The following LAMTOR5 variants were observed in gnomAD, a reference collection of about 807,000 sequenced individuals.
LAMTOR5 encodes the protein late endosomal/lysosomal adaptor, MAPK and MTOR activator 5.
Under a neutral mutation model 12.1 loss-of-function variants are expected in LAMTOR5, and 8 were observed. The ratio of observed to expected loss-of-function variants is 0.66; its 90% CI spans 0.39 to 1.19. The LOEUF (loss-of-function observed/expected upper bound fraction) is 1.19. Among genes scored for constraint, LAMTOR5 ranks in the 50% most tolerant of loss-of-function variants. The probability of loss-of-function intolerance (pLI) is 0.01; values close to 1 mark genes in which losing one functional copy is unlikely to be tolerated. For synonymous variants in LAMTOR5, 37 were observed against 41.9 expected (o/e 0.88, Z 0.45); for missense variants, 110 against 112.8 (o/e 0.97, Z 0.11).
At position 110,401,594 on chromosome 1, in the gene LAMTOR5, G is replaced by C; in HGVS notation, c.216-11C>G. ...TGGATCATAATGTTCCTGAAATGCAGGAAGAAAATATTCAGTAAAACGTAA... is the reference window on the plus strand; with the variant it reads ...TGGATCATAATGTTCCTGAAATGCACGAAGAAAATATTCAGTAAAACGTAA... On this transcript the variant is annotated splice_polypyrimidine_tract_variant and intron_variant, in intron 3 of 3. Coordinates refer to ENST00000602318, the MANE Select transcript of LAMTOR5 (RefSeq NM_001382293.1). 6.3e-7 allele frequency: 1 copy of C among 1,599,536 alleles called. No homozygotes were observed. The highest frequency in any genetic ancestry group is 1.1e-5 in the South Asian group (1 of 90,108).
intron 1 of LAMTOR5, chr1:110,406,853 GTTAA>G: frequency 2.3e-6 from 1 of 434,654 alleles, no homozygotes; most frequent in Non-Finnish European, 4.1e-6. Context: ...TTAAGTTCTA[GTTAA>G]TTAATTGAAA....
rs1022040338 is a variant in LAMTOR5, at chr1:110,401,637, C to T, written c.216-54G>A. The T allele has an allele frequency of 1.0e-5, 16 of 1,533,248 alleles. No homozygotes were observed. In the Admixed American group the frequency reaches 1.4e-4, roughly 13 times the overall value. 95.0% of individuals were successfully genotyped at this position (1,533,248 alleles called of 1,614,324 possible). On this transcript the variant is annotated intron_variant, in intron 3 of 3. Transcript: ENST00000602318. ...AAACGTAATCAGTGGGACTTCACTGCAAGATTAAAGATGTTGTTTGCTTTA... is the reference window on the plus strand; with the variant it reads ...AAACGTAATCAGTGGGACTTCACTGTAAGATTAAAGATGTTGTTTGCTTTA...
intron 2 of LAMTOR5, among the ~76,000 whole-genome samples, chr1:110,405,841 G>T (rs1242281562): frequency 6.6e-6 from 1 of 152,170 alleles, no homozygotes; most frequent in African/African-American, 2.4e-5. Flanking sequence ...AAGAGCAAGG[G>T]ATTGAGACCA....
intron 2 of LAMTOR5, 38 bp from the exon 3 acceptor site, chr1:110,404,074 A>T: frequency 6.2e-7 from 1 of 1,604,750 alleles, no homozygotes; most frequent in Non-Finnish European, 8.5e-7. Context: ...CTGATTGCTC[A>T]TAGAGTATTT....
intron 3 of LAMTOR5, 90 bp from the exon 4 acceptor site, chr1:110,401,673 T>A: frequency 7.4e-7 from 1 of 1,342,362 alleles, no homozygotes; most frequent in South Asian, 1.4e-5. Flanking sequence ...GGATACAATA[T>A]TTAAAATAAT....
At chr1:110,401,645 A>T in intron 3 of LAMTOR5, 62 bp from the exon 4 acceptor site, 2 of 1,529,126 alleles carry the variant, frequency 1.3e-6, no homozygotes, top group Non-Finnish European at 9.0e-7. Context: ...TGCAAGATTA[A>T]AGATGTTGTT....
intron 2 of LAMTOR5, 42 bp from the exon 3 acceptor site, chr1:110,404,078 A>C: frequency 1.9e-6 from 3 of 1,599,718 alleles, no homozygotes; most frequent in Non-Finnish European, 2.6e-6. Context: ...TTGCTCATAG[A>C]GTATTTCTGC....
At chr1:110,404,296 A>T (rs1663286491) in intron 2 of LAMTOR5, among the ~76,000 whole-genome samples, 1 of 152,238 alleles carries the variant, frequency 6.6e-6, no homozygotes, top group Non-Finnish European at 1.5e-5. Context: ...AAACCAAATC[A>T]GGTAATAGAC....
intron 1 of LAMTOR5, chr1:110,406,901 G>A (rs1231962684): frequency 4.5e-6 from 2 of 449,136 alleles, no homozygotes; most frequent in Admixed American, 4.1e-5. Context: ...AGAAAAAAAT[G>A]TGCTAAGTAC....
chr1:110,403,360 G>A (rs979019633), intron 3 of LAMTOR5, among the ~76,000 whole-genome samples: 2 of 152,078 alleles, frequency 1.3e-5, no homozygotes, highest in African/African-American at 4.8e-5. Context: ...TGTAATCCCA[G>A]CACTTTGGGA....
chr1:110,407,797 C>A (rs765224866), upstream of LAMTOR5: 7 of 1,614,024 alleles, frequency 4.3e-6, no homozygotes, highest in African/African-American at 6.7e-5. Flanking sequence ...GCGCTTCCGT[C>A]GCACAGAGCC....
At chr1:110,407,510 C>T (rs745307795) in intron 1 of LAMTOR5, 76 bp downstream of exon 1, 23 of 1,534,820 alleles carry the variant, frequency 1.5e-5, no homozygotes, top group Non-Finnish European at 1.9e-5. Context: ...CCGGTACTCG[C>T]AGCTCGCGCC....
Position 110,401,550 on chromosome 1 carries a change from C to T in LAMTOR5, c.249G>A (p.Thr83=), listed in dbSNP as rs373265343. The T allele has an allele frequency of 5.6e-6, 9 of 1,607,906 alleles. No individual in the cohort carries two copies. The highest frequency in any genetic ancestry group is 5.0e-5 in the Admixed American group (3 of 59,914). ...AAGAGGCCATTTTGTGCACTGCCAC[C>T]GTGATGCCATCGTGTTTCTGGATCA... ...NIMIQKHDGI[T]VAVHKMAS The change falls in exon 4 of 4, where the codon ACG becomes ACA. Residue 83 remains threonine (T), a synonymous_variant. Coordinates refer to ENST00000602318, the MANE Select transcript of LAMTOR5 (RefSeq NM_001382293.1).
chr1:110,402,399 T>C (rs768350749), intron 3 of LAMTOR5, among the ~76,000 whole-genome samples: 2 of 152,104 alleles, frequency 1.3e-5, no homozygotes, highest in Non-Finnish European at 2.9e-5. Context: ...TACAGGTGCC[T>C]GCCACCATGC....
At chr1:110,407,884 C>G (rs1663374025), upstream of LAMTOR5, 1 of 1,608,576 alleles carries the variant, frequency 6.2e-7, no homozygotes, top group East Asian at 2.2e-5. Flanking sequence ...CCGGCCGGCA[C>G]GGATTATTCC....
At chr1:110,404,889 A>T (rs1557924181) in intron 2 of LAMTOR5, among the ~76,000 whole-genome samples, 1 of 152,006 alleles carries the variant, frequency 6.6e-6, no homozygotes, top group Non-Finnish European at 1.5e-5. Context: ...ATCTACTAAA[A>T]ATACAAAAAT....
At chr1:110,405,285 C>A (rs1158074073) in intron 2 of LAMTOR5, among the ~76,000 whole-genome samples, 1 of 151,752 alleles carries the variant, frequency 6.6e-6, no homozygotes, top group Non-Finnish European at 1.5e-5. Flanking sequence ...CTCAGCCTCC[C>A]GAGTAGCTGG....
At chr1:110,402,104 G>A (rs1663241833) in intron 3 of LAMTOR5, among the ~76,000 whole-genome samples, 1 of 152,092 alleles carries the variant, frequency 6.6e-6, no homozygotes. Flanking sequence ...GCATCACATA[G>A]CACAACACAC....
Position 110,407,489 on chromosome 1 carries a change from A to C in LAMTOR5, c.35+97T>G, listed in dbSNP as rs2101113259. On this transcript the variant is annotated intron_variant, in intron 1 of 3. Transcript: ENST00000602318. ...TCCCGGGGGTCGCGCGACGTCCCCG[A>C]GACGCCCTGGCCGGTACTCGCAGCT... The C allele has an allele frequency of 5.5e-6, 8 of 1,444,476 alleles. No individual in the cohort carries two copies. In the Middle Eastern group the frequency reaches 1.0e-3, roughly 181 times the overall value. 89.5% of individuals were successfully genotyped at this position (1,444,476 alleles called of 1,614,324 possible). A position where few individuals can be genotyped will look rare whatever the true frequency, so the allele number is the denominator to read the frequency against.
Sources: gnomAD v4.1 joint callset for allele counts (sites outside exome capture counted in the v4.1 genomes callset) on GRCh38, gnomAD v4.1.1 for gene constraint, MANE v1.5 for transcripts, NCBI Gene and HGNC (gene_info 2026-07-23, HGNC 2026-07-21) for gene names.